Variants in KIF14 observed in about 807,000 individuals in gnomAD.
The protein encoded by KIF14 is kinesin-like protein KIF14.
A neutral mutation model predicts 176.2 loss-of-function variants in KIF14; 98 were observed. The ratio of observed to expected loss-of-function variants is 0.56; its 90% CI spans 0.47 to 0.66. KIF14 has a LOEUF of 0.66. Among genes scored for constraint, KIF14 ranks in the 30% least tolerant of loss-of-function variants. The pLI is 0.00. For missense variants in KIF14, 1,751 were observed against 1,920.4 expected, an observed-to-expected ratio of 0.91 and a Z score of 1.65; for synonymous variants, 566 against 632.2, an observed-to-expected ratio of 0.90 and a Z score of 1.57.
In KIF14 at chr1:200,585,147, T is replaced by C. The variant is rs540320713; in HGVS notation, c.3241+954A>G. 4.6e-5 allele frequency among the ~76,000 whole-genome samples: 7 copies of C among 152,042 alleles called. No homozygotes were observed. In the South Asian group the frequency reaches 1.4e-3, roughly 31 times the overall value. On this transcript the variant is annotated intron_variant, in intron 19 of 29. Coordinates refer to ENST00000367350, the MANE Select transcript of KIF14 (RefSeq NM_014875.3). ...TTTCAGTTATGCAGGATGAATACAC[T>C]CTGGAGGTCTAATGAACAGAAAGTT...
In KIF14 at chr1:200,618,328, C is replaced by G. The variant is rs1660515554; in HGVS notation, c.396G>C (p.Lys132Asn). ...CAGAATCTATTTCAGCTGTTTTCCA[C>G]TTTTCTGCAGAATCTGTTTTAGCAC... The part of the protein sequence containing the change: ...QRRAKTDSAE[K>N]WKTAEIDSVK... The change falls in exon 2 of 30, where the codon AAG (lysine) becomes AAC (asparagine). Residue 132 changes from lysine to asparagine, a missense_variant. Coordinates refer to ENST00000367350, the MANE Select transcript of KIF14 (RefSeq NM_014875.3). 6.2e-7 allele frequency: 1 copy of G among 1,613,894 alleles called. No individual in the cohort carries two copies. Among genetic ancestry groups the G allele is most frequent in the Non-Finnish European group, 8.5e-7 (1 of 1,180,022 alleles).
At chr1:200,600,274 C>G in intron 12 of KIF14, 82 bp downstream of exon 12, 2 of 1,420,472 alleles carry the variant, frequency 1.4e-6, no homozygotes. Context: ...CGGAAAAATA[C>G]TCAGTATCCT....
chr1:200,552,997 A>T lies in KIF14; in HGVS notation c.*391T>A, dbSNP rs1277728454. 1 of 152,286 alleles carries T rather than the reference A, an allele frequency of 6.6e-6. No individual in the cohort carries two copies. The highest frequency in any genetic ancestry group is 2.4e-5 in the African/African-American group (1 of 41,406). 9.4% of individuals were successfully genotyped at this position (152,286 alleles called of 1,614,324 possible). On this transcript the variant is annotated 3_prime_UTR_variant, in exon 30 of 30. Coordinates refer to ENST00000367350, the MANE Select transcript of KIF14 (RefSeq NM_014875.3). The stretch of plus-strand genomic sequence containing the variant: ...CTCGTTCTGTTGCTCAGACTGGAGT[A>T]AAGTGGCATGATCTTGGCTCACTGC...
intron 27 of KIF14, among the ~76,000 whole-genome samples, chr1:200,558,715 C>T (rs1399236688): frequency 2.0e-5 from 3 of 152,166 alleles, no homozygotes; most frequent in Non-Finnish European, 4.4e-5. Flanking sequence ...GGTATGCTTA[C>T]ATGACAGGGT....
At position 200,559,594 on chromosome 1, in the gene KIF14, G is replaced by A. The variant is rs567677482; in HGVS notation, c.4231-142C>T. ...ACTTTAGGACTATAATACATCCCAAGTTTATTAAGTTCAACTAAAGCTAGA... is the reference window on the plus strand; with the variant it reads ...ACTTTAGGACTATAATACATCCCAAATTTATTAAGTTCAACTAAAGCTAGA... On this transcript the variant is annotated intron_variant, in intron 26 of 29. Transcript: ENST00000367350. 47 of 400,432 alleles carry A rather than the reference G, an allele frequency of 1.2e-4. 1 individual carries two copies. Among genetic ancestry groups the A allele is most frequent in the Non-Finnish European group, 1.9e-4 (45 of 233,672 alleles). The allele number at this position is 400,432 out of a possible 1,614,324, so 24.8% of individuals were successfully genotyped here.
At position 200,618,593 on chromosome 1, in the gene KIF14, A is replaced by T. The variant is rs777782936; in HGVS notation, c.131T>A (p.Met44Lys). The T allele has an allele frequency of 1.9e-6, 3 of 1,614,054 alleles. No individual in the cohort carries two copies. In the African/African-American group the frequency reaches 4.0e-5, roughly 22 times the overall value. Reference protein sequence around the residue: ...SRLKLHLKSDMSECENDDPLL... With the variant: ...SRLKLHLKSDKSECENDDPLL... ...TGGATCATCATTTTCACATTCTGAC[A>T]TATCCGACTTCAAATGCAGCTTAAG... Residue 44 changes from methionine to lysine, a missense_variant, in exon 2 of 30, where the codon ATG becomes AAG. Coordinates refer to ENST00000367350, the MANE Select transcript of KIF14 (RefSeq NM_014875.3).
intron 4 of KIF14, among the ~76,000 whole-genome samples, chr1:200,610,629 C>T (rs111915735): frequency 6.6e-6 from 1 of 152,040 alleles, no homozygotes; most frequent in African/African-American, 2.4e-5. Flanking sequence ...CTACCTACTG[C>T]ATGTTTGGCT....
In KIF14 at chr1:200,581,216, T is replaced by C. The variant is rs1372489714; in HGVS notation, c.3320A>G (p.Tyr1107Cys). 1 of 1,596,850 alleles carries C rather than the reference T, an allele frequency of 6.3e-7. No homozygotes were observed. The highest frequency in any genetic ancestry group is 8.5e-7 in the Non-Finnish European group (1 of 1,171,066). The change falls in exon 20 of 30, where the codon TAC becomes TGC. Residue 1107 changes from tyrosine to cysteine, a missense_variant. Transcript: ENST00000367350. Reference sequence around the variant, plus strand: ...AATTACTCACCTGCCAAAAACATAGTATGTTTTCAATTTGCTGCTGATAGC... The same window carrying C: ...AATTACTCACCTGCCAAAAACATAGCATGTTTTCAATTTGCTGCTGATAGC... ...ANAISSKLKTYYVFGRHDISD... is the reference protein window; with the variant it reads ...ANAISSKLKTCYVFGRHDISD...
chr1:200,593,024 A>G (rs1227999519), intron 15 of KIF14, among the ~76,000 whole-genome samples: 1 of 152,204 alleles, frequency 6.6e-6, no homozygotes, highest in Non-Finnish European at 1.5e-5. Context: ...GCAAGACTTT[A>G]TGTTATCTCA....
rs941139502 is a variant in KIF14, at chr1:200,552,729, C to T, written c.*659G>A. 7.2e-5 allele frequency: 11 copies of T among 152,078 alleles called. No homozygotes were observed. Among genetic ancestry groups the T allele is most frequent in the Non-Finnish European group, 1.3e-4 (9 of 67,986 alleles). 9.4% of individuals were successfully genotyped at this position (152,078 alleles called of 1,614,324 possible). On this transcript the variant is annotated 3_prime_UTR_variant, in exon 30 of 30. Transcript: ENST00000367350. ...TGATTAACAATGCAAGTTAAGTTGT[C>T]TTAGTTAAACTTGTACAGGCCATTT... is the stretch of plus-strand genomic sequence containing the variant.
chr1:200,576,345 G>C (rs1658105455), intron 21 of KIF14, among the ~76,000 whole-genome samples: 2 of 151,906 alleles, frequency 1.3e-5, no homozygotes, highest in African/African-American at 4.8e-5. Context: ...GGGCGTGGTA[G>C]CGGGCGCCTG....
intron 4 of KIF14, 26 bp downstream of exon 4, chr1:200,614,292 A>G (rs1175631510): frequency 1.6e-6 from 2 of 1,251,408 alleles, no homozygotes; most frequent in African/African-American, 3.0e-5. Flanking sequence ...TCTGAAAAGA[A>G]GCTTGCAGGT....
At chr1:200,601,567 G>T (rs1331725537) in intron 11 of KIF14, among the ~76,000 whole-genome samples, 3 of 152,202 alleles carry the variant, frequency 2.0e-5, no homozygotes, top group Middle Eastern at 3.2e-3. Context: ...CAATGGAAGA[G>T]AGGTCATAAG....
chr1:200,565,674 A>C lies in KIF14; in HGVS notation c.3662-5T>G. The C allele has an allele frequency of 6.4e-7, 1 of 1,551,698 alleles. No individual in the cohort carries two copies. Among genetic ancestry groups the C allele is most frequent in the Non-Finnish European group, 8.7e-7 (1 of 1,151,122 alleles). On this transcript the variant is annotated splice_polypyrimidine_tract_variant and splice_region_variant and intron_variant, in intron 23 of 29. Transcript: ENST00000367350. ...TGCTTGATTTGTCCATTAAACCTAC[A>C]TCAACAGAAAATAGCCATTTTAAGC...
chr1:200,585,029 A>C (rs1658659932), intron 19 of KIF14, among the ~76,000 whole-genome samples: 1 of 152,234 alleles, frequency 6.6e-6, no homozygotes, highest in Non-Finnish European at 1.5e-5. Flanking sequence ...TGGAATCTAA[A>C]AATGTTAAAC....
At chr1:200,608,300 T>C (rs192972346) in intron 5 of KIF14, among the ~76,000 whole-genome samples, 1 of 152,196 alleles carries the variant, frequency 6.6e-6, no homozygotes, top group Admixed American at 6.5e-5. Flanking sequence ...CAATTCTTCA[T>C]TAAAATAAAG....
chr1:200,588,096 A>G (rs1213723172), intron 18 of KIF14, among the ~76,000 whole-genome samples: 1 of 152,152 alleles, frequency 6.6e-6, no homozygotes, highest in African/African-American at 2.4e-5. Context: ...ATTAAGATAT[A>G]AGGAATCAAA....
At chr1:200,602,092 C>T in intron 10 of KIF14, 24 bp from the exon 11 acceptor site, 1 of 1,601,932 alleles carries the variant, frequency 6.2e-7, no homozygotes, top group South Asian at 1.1e-5. Context: ...AGTCATAAGA[C>T]TTTGCTTCTA....
chr1:200,617,553 G>C (rs1413679340), intron 2 of KIF14, 59 bp downstream of exon 2: 1 of 1,487,944 alleles, frequency 6.7e-7, no homozygotes, highest in Non-Finnish European at 9.1e-7. Context: ...AGGCAGAGAG[G>C]AATTAAAGGT....
Sources: allele counts gnomAD v4.1 joint callset (sites outside exome capture counted in the v4.1 genomes callset), GRCh38; gene constraint gnomAD v4.1.1; transcripts MANE v1.5; gene names NCBI Gene and HGNC (gene_info 2026-07-23, HGNC 2026-07-21).